Variants in GPC5 observed in about 807,000 individuals in gnomAD.
GPC5 encodes glypican-5.
GPC5 carries 47 observed loss-of-function variants against 53.9 expected under a neutral mutation model. The ratio of observed to expected loss-of-function variants is 0.87; its 90% confidence interval spans 0.69 to 1.11. GPC5 has a LOEUF of 1.11. GPC5 is among the 50% of genes most tolerant of loss of function. GPC5 has a pLI of 0.00. For missense variants in GPC5, 748 were observed against 713.1 expected (o/e 1.05, Z -0.56); for synonymous variants, 286 against 263.3 (o/e 1.09, Z -0.84).
At chr13:92,544,659 G>C (rs16947779) in intron 7 of GPC5, among the ~76,000 whole-genome samples, 5,176 of 151,972 alleles carry the variant, frequency 0.034, 246 homozygotes, top group African/African-American at 0.1. Context: ...TACTAATCTA[G>C]GGCCAATTTT....
At chr13:92,065,077 G>C (rs1376046905) in intron 6 of GPC5, among the ~76,000 whole-genome samples, 1 of 152,122 alleles carries the variant, frequency 6.6e-6, no homozygotes, top group Non-Finnish European at 1.5e-5. Context: ...TAAAAATCAA[G>C]ATAGCAGTTT....
chr13:91,583,391 C>A (rs919973779), intron 2 of GPC5, among the ~76,000 whole-genome samples: 1 of 152,024 alleles, frequency 6.6e-6, no homozygotes, highest in Non-Finnish European at 1.5e-5. Flanking sequence ...TTTGAATACA[C>A]CAATAATAAA....
At chr13:91,649,888 A>G (rs2034654481) in intron 2 of GPC5, among the ~76,000 whole-genome samples, 1 of 152,226 alleles carries the variant, frequency 6.6e-6, no homozygotes, top group Admixed American at 6.5e-5. Context: ...GCTACTGATT[A>G]CTATGTTCAA....
chr13:92,494,173 T>C (rs928088565), intron 7 of GPC5, among the ~76,000 whole-genome samples: 65 of 152,006 alleles, frequency 4.3e-4, no homozygotes, highest in Non-Finnish European at 7.4e-4. Flanking sequence ...CACTGCAAGC[T>C]CCGCCTCCTG....
chr13:92,527,096 GAAAAGAAAGA>G (rs1466781368), intron 7 of GPC5, among the ~76,000 whole-genome samples: 3 of 59,314 alleles, frequency 5.1e-5, no homozygotes, highest in Admixed American at 5.2e-4. Context: ...GATTCTGTAG[GAAAAGAAAGA>G]AAAAAGAAAG....
intron 1 of GPC5, among the ~76,000 whole-genome samples, chr13:91,402,329 G>A (rs759521694): frequency 2.0e-5 from 3 of 152,152 alleles, no homozygotes; most frequent in Non-Finnish European, 4.4e-5. Context: ...TCTTGACATG[G>A]CTAAGTGAAA....
At chr13:92,456,800 T>C (rs567650257) in intron 7 of GPC5, among the ~76,000 whole-genome samples, 1 of 152,316 alleles carries the variant, frequency 6.6e-6, no homozygotes, top group Non-Finnish European at 1.5e-5. Flanking sequence ...TCAGGGTTTT[T>C]CAATCTCAGC....
intron 5 of GPC5, among the ~76,000 whole-genome samples, chr13:91,879,984 T>A (rs1280039364): frequency 6.6e-6 from 1 of 152,146 alleles, no homozygotes; most frequent in Non-Finnish European, 1.5e-5. Flanking sequence ...AATAGTTATA[T>A]TTGCTTTGTA....
intron 2 of GPC5, among the ~76,000 whole-genome samples, chr13:91,633,315 A>G (rs1322101504): frequency 6.6e-6 from 1 of 152,122 alleles, no homozygotes; most frequent in Admixed American, 6.6e-5. Context: ...CTGAGAATCT[A>G]TTCCTTATTC....
At chr13:92,042,485 TA>T (rs1181908522) in intron 6 of GPC5, among the ~76,000 whole-genome samples, 1 of 151,286 alleles carries the variant, frequency 6.6e-6, no homozygotes, top group East Asian at 2.0e-4. Flanking sequence ...CCCTAAGAGG[TA>T]AAAACAAATG....
At chr13:91,822,157 G>A (rs1464215235) in intron 5 of GPC5, among the ~76,000 whole-genome samples, 1 of 152,152 alleles carries the variant, frequency 6.6e-6, no homozygotes, top group Non-Finnish European at 1.5e-5. Context: ...GTAGTATACA[G>A]ACATCCCCAA....
At chr13:92,597,792 T>C (rs1202285928) in intron 7 of GPC5, among the ~76,000 whole-genome samples, 1 of 152,260 alleles carries the variant, frequency 6.6e-6, no homozygotes. Context: ...TTAGCCCTTC[T>C]CTATGCCTAA....
intron 5 of GPC5, among the ~76,000 whole-genome samples, chr13:91,873,539 C>T (rs1198080882): frequency 6.6e-6 from 1 of 152,034 alleles, no homozygotes; most frequent in Non-Finnish European, 1.5e-5. Flanking sequence ...ACGAGAGTCC[C>T]CCTGCACAAG....
chr13:91,835,009 C>T (rs1420595565), intron 5 of GPC5, among the ~76,000 whole-genome samples: 1 of 152,148 alleles, frequency 6.6e-6, no homozygotes. Flanking sequence ...TGATAAAAGG[C>T]TAATATCCAG....
At chr13:91,517,941 C>G (rs1487460513) in intron 2 of GPC5, among the ~76,000 whole-genome samples, 1 of 152,076 alleles carries the variant, frequency 6.6e-6, no homozygotes, top group East Asian at 1.9e-4. Flanking sequence ...CAATTACCTC[C>G]CCCGGGCCCC....
intron 7 of GPC5, among the ~76,000 whole-genome samples, chr13:92,369,407 G>A (rs2139292067): frequency 6.6e-6 from 1 of 152,192 alleles, no homozygotes; most frequent in Admixed American, 6.5e-5. Context: ...TGAACTCCTG[G>A]CCTCAAGTGA....
intron 2 of GPC5, among the ~76,000 whole-genome samples, chr13:91,520,462 C>T (rs553044706): frequency 6.6e-6 from 1 of 152,246 alleles, no homozygotes; most frequent in South Asian, 2.1e-4. Flanking sequence ...CAGACAATCA[C>T]TTGCAGGCCT....
intron 5 of GPC5, among the ~76,000 whole-genome samples, chr13:91,793,547 T>C (rs2038001844): frequency 6.6e-6 from 1 of 152,206 alleles, no homozygotes; most frequent in Non-Finnish European, 1.5e-5. Context: ...GAGTCTGTTC[T>C]AGAAAAGCAT....
intron 2 of GPC5, among the ~76,000 whole-genome samples, chr13:91,558,279 A>G (rs1033092084): frequency 1.3e-5 from 2 of 152,188 alleles, no homozygotes; most frequent in Admixed American, 6.5e-5. Flanking sequence ...GGAGCATACA[A>G]CTAGCTTATT....
Sources: allele counts gnomAD v4.1 joint callset (sites outside exome capture counted in the v4.1 genomes callset), GRCh38; gene constraint gnomAD v4.1.1; transcripts MANE v1.5; gene names NCBI Gene and HGNC (gene_info 2026-07-23, HGNC 2026-07-21).